Variants in SLFN12L observed in about 807,000 individuals in gnomAD.
The protein encoded by SLFN12L is schlafen family member 12 like.
A neutral mutation model predicts 34.8 loss-of-function variants in SLFN12L; 34 were observed. The observed-to-expected ratio is 0.98, with a 90% CI of 0.74 to 1.30. The LOEUF is 1.30. Ranked by LOEUF, SLFN12L falls within the 50% of genes most tolerant of loss-of-function variation. The pLI is 0.00. For missense variants in SLFN12L, 703 were observed against 696.2 expected, an observed-to-expected ratio of 1.01 and a Z score of -0.11; for synonymous variants, 259 against 247.5, an observed-to-expected ratio of 1.05 and a Z score of -0.44.
At chr17:35,521,715 A>G (rs973406607) in intron 2 of SLFN12L, among the ~76,000 whole-genome samples, 1 of 152,164 alleles carries the variant, frequency 6.6e-6, no homozygotes, top group Non-Finnish European at 1.5e-5. Flanking sequence ...TTTTACAAAA[A>G]TATTTTTAAA....
chr17:35,515,990 T>C (rs1915815340), intron 2 of SLFN12L, among the ~76,000 whole-genome samples: 4 of 152,122 alleles, frequency 2.6e-5, no homozygotes, highest in African/African-American at 7.2e-5. Context: ...TGTTTTGGGC[T>C]TAATTTCTTA....
chr17:35,503,640 C>T (rs1397704532), intron 2 of SLFN12L, among the ~76,000 whole-genome samples: 4 of 152,072 alleles, frequency 2.6e-5, no homozygotes, highest in African/African-American at 7.2e-5. Context: ...AGTCCACTGC[C>T]GATGTCCCCA....
chr17:35,490,918 C>T (rs1306351222), intron 2 of SLFN12L: 1 of 800,830 alleles, frequency 1.2e-6, no homozygotes, highest in Non-Finnish European at 2.3e-6. Context: ...ACAACCAAGA[C>T]CCCAATGGGA....
intron 2 of SLFN12L, among the ~76,000 whole-genome samples, chr17:35,487,412 C>G (rs1436239451): frequency 6.6e-6 from 1 of 152,248 alleles, no homozygotes; most frequent in Non-Finnish European, 1.5e-5. Context: ...CCTCGGGTCT[C>G]CCCGAGATCG....
chr17:35,498,183 G>GTGGGGAGCCGAGGCCGCC, intron 2 of SLFN12L: 1 of 624,830 alleles, frequency 1.6e-6, no homozygotes, highest in Non-Finnish European at 2.9e-6. Flanking sequence ...AGGCGGCGGC[G>GTGGGGAGCCGAGGCCGCC]TGGGGAGCCG....
intron 2 of SLFN12L, among the ~76,000 whole-genome samples, chr17:35,507,916 G>A (rs540885342): frequency 1.3e-5 from 2 of 152,296 alleles, no homozygotes; most frequent in African/African-American, 4.8e-5. Flanking sequence ...AATAAGGGAG[G>A]AGACCACCCC....
chr17:35,534,419 T>A (rs2072439821), intron 1 of SLFN12L, among the ~76,000 whole-genome samples: 1 of 152,146 alleles, frequency 6.6e-6, no homozygotes, highest in Non-Finnish European at 1.5e-5. Flanking sequence ...AGACACAGCA[T>A]CAGATGAACA....
At chr17:35,486,252 G>T (rs1291398454) in intron 2 of SLFN12L, among the ~76,000 whole-genome samples, 1 of 152,074 alleles carries the variant, frequency 6.6e-6, no homozygotes, top group African/African-American at 2.4e-5. Flanking sequence ...AATTCTTCTT[G>T]CAGCCTCTGT....
In SLFN12L at chr17:35,472,337, A is replaced by G. The variant is rs779971283; in HGVS notation, c.*2586T>C. Among the ~76,000 whole-genome samples the G allele has an allele frequency of 6.6e-6, 1 of 152,190 alleles. No homozygotes were observed. Among genetic ancestry groups the G allele is most frequent in the African/African-American group, 2.4e-5 (1 of 41,460 alleles). Reference sequence around the variant, plus strand: ...AGGTGTAAGGAAGGGATCCAGTTTCAGTTTTCTGCATATGGCTAGCCAGTT... The same window carrying G: ...AGGTGTAAGGAAGGGATCCAGTTTCGGTTTTCTGCATATGGCTAGCCAGTT... On this transcript the variant is annotated 3_prime_UTR_variant, in exon 5 of 5. Transcript: ENST00000628453.
intron 2 of SLFN12L, among the ~76,000 whole-genome samples, chr17:35,508,761 C>T: frequency 6.6e-6 from 1 of 151,056 alleles, no homozygotes. Context: ...GACAGTTTTT[C>T]TGATAAAACT....
chr17:35,512,115 A>G (rs1185005316), intron 2 of SLFN12L, among the ~76,000 whole-genome samples: 1 of 150,634 alleles, frequency 6.6e-6, no homozygotes, highest in Non-Finnish European at 1.5e-5. Context: ...GAAAGTGGCA[A>G]TTGTGTTTCT....
chr17:35,504,315 T>G (rs946857468), intron 2 of SLFN12L, among the ~76,000 whole-genome samples: 9 of 152,204 alleles, frequency 5.9e-5, no homozygotes, highest in Admixed American at 1.3e-4. Flanking sequence ...TGGTCCAATG[T>G]TCTGTGGACC....
chr17:35,510,837 A>AAG (rs1351949957), intron 2 of SLFN12L, among the ~76,000 whole-genome samples: 1 of 151,736 alleles, frequency 6.6e-6, no homozygotes, highest in East Asian at 1.9e-4. Context: ...TCACAGCAAA[A>AAG]AAAAAAAAAG....
At chr17:35,481,676 G>A (rs72825999) in intron 2 of SLFN12L, among the ~76,000 whole-genome samples, 3 of 151,904 alleles carry the variant, frequency 2.0e-5, no homozygotes, top group Non-Finnish European at 4.4e-5. Context: ...CCACTACCAG[G>A]CTCCGCACCT....
In SLFN12L at chr17:35,466,077, A is replaced by G. The variant is rs1246295851; in HGVS notation, c.*8846T>C. On this transcript the variant is annotated 3_prime_UTR_variant, in exon 5 of 5. Coordinates refer to ENST00000628453, the MANE Select transcript of SLFN12L (RefSeq NM_001363830.2). The stretch of plus-strand genomic sequence containing the variant: ...ATATACCCACTGCCCGCACTCATGC[A>G]TAGCCTCCCCCATTAGCAACATCTC... Among the ~76,000 whole-genome samples the G allele has an allele frequency of 2.0e-5, 3 of 152,296 alleles. No homozygotes were observed. Among genetic ancestry groups the G allele is most frequent in the African/African-American group, 4.8e-5 (2 of 41,566 alleles).
chr17:35,478,237 G>A, intron 3 of SLFN12L, 52 bp from the exon 4 acceptor site: 1 of 1,224,762 alleles, frequency 8.2e-7, no homozygotes. Flanking sequence ...TGGCATGGGA[G>A]AGACTCAAGC....
At chr17:35,497,838 G>C (rs1463963440) in intron 2 of SLFN12L, among the ~76,000 whole-genome samples, 1 of 152,130 alleles carries the variant, frequency 6.6e-6, no homozygotes, top group Non-Finnish European at 1.5e-5. Context: ...TTGTATTTTT[G>C]TTACTAAATA....
rs1448792433 is a variant in SLFN12L, at chr17:35,468,109, C to A, written c.*6814G>T. Among the ~76,000 whole-genome samples, 1 of 152,118 alleles carries A rather than the reference C, an allele frequency of 6.6e-6. No homozygotes were observed. The highest frequency in any genetic ancestry group is 1.5e-5 in the Non-Finnish European group (1 of 68,036). ...TGTTTTTTGTAGAGACAGGGTTTTA[C>A]CATGTTGCCCAGGCTGGTCTTGAAT... On this transcript the variant is annotated 3_prime_UTR_variant, in exon 5 of 5. Coordinates refer to ENST00000628453, the MANE Select transcript of SLFN12L (RefSeq NM_001363830.2).
chr17:35,532,061 A>G (rs1473278325), intron 1 of SLFN12L, among the ~76,000 whole-genome samples: 1 of 152,254 alleles, frequency 6.6e-6, no homozygotes, highest in Non-Finnish European at 1.5e-5. Flanking sequence ...AAACTCTAGT[A>G]GATTTCTTCC....
Sources: gnomAD v4.1 joint callset for allele counts (sites outside exome capture counted in the v4.1 genomes callset) on GRCh38, gnomAD v4.1.1 for gene constraint, MANE v1.5 for transcripts, NCBI Gene and HGNC (gene_info 2026-07-23, HGNC 2026-07-21) for gene names.